Variants in FASTKD1 observed in about 807,000 individuals in gnomAD.
The protein encoded by FASTKD1 is FAST kinase domain-containing protein 1, mitochondrial.
Under a neutral mutation model 90.9 loss-of-function variants are expected in FASTKD1, and 94 were observed. The observed-to-expected ratio is 1.03, with a 90% CI of 0.88 to 1.23. The LOEUF (loss-of-function observed/expected upper bound fraction) is 1.23, where lower values mean the gene tolerates loss of function less well. FASTKD1 is among the 50% of genes most tolerant of loss of function. The pLI, the probability that FASTKD1 is intolerant of heterozygous loss-of-function variation, is 0.00. For synonymous variants in FASTKD1, 319 were observed against 345.8 expected (o/e 0.92, Z 0.86); for missense variants, 945 against 993.5 (o/e 0.95, Z 0.66).
chr2:169,573,619 G>C (rs1185857464), intron 1 of FASTKD1, 50 bp downstream of exon 1: 1 of 152,188 alleles, frequency 6.6e-6, no homozygotes. Context: ...GCCCGAAAAC[G>C]TGCTGGGTGG....
intron 9 of FASTKD1, among the ~76,000 whole-genome samples, chr2:169,542,305 G>A (rs1381279893): frequency 4.6e-5 from 7 of 152,146 alleles, no homozygotes; most frequent in East Asian, 1.9e-4. Flanking sequence ...GAAAAGGAAC[G>A]GTTACTGAGC....
intron 4 of FASTKD1, among the ~76,000 whole-genome samples, chr2:169,562,458 C>T (rs1299575574): frequency 6.6e-6 from 1 of 152,078 alleles, no homozygotes; most frequent in African/African-American, 2.4e-5. Flanking sequence ...GTCTCGAACT[C>T]CTGACATCAA....
chr2:169,528,674 C>T lies in FASTKD1; in HGVS notation c.*1151G>A, dbSNP rs536973095. Among the ~76,000 whole-genome samples the T allele has an allele frequency of 6.3e-4, 96 of 152,254 alleles. No homozygotes were observed. Among genetic ancestry groups the T allele is most frequent in the Admixed American group, 2.7e-3 (41 of 15,298 alleles). ...TATCTCCTCCCATTTTCTCTTGAAC[C>T]AGTCAGGCTTTCACATGCACCACTT... is the stretch of plus-strand genomic sequence containing the variant. On this transcript the variant is annotated 3_prime_UTR_variant, in exon 15 of 15. Transcript: ENST00000453153.
chr2:169,565,250 T>C (rs1433059806), intron 3 of FASTKD1, among the ~76,000 whole-genome samples: 1 of 26,984 alleles, frequency 3.7e-5, no homozygotes, highest in Non-Finnish European at 6.9e-5. Context: ...CACACCAGGC[T>C]TTTTTTTTTT....
At chr2:169,545,303 C>A (rs868029637) in intron 8 of FASTKD1, among the ~76,000 whole-genome samples, 2 of 152,168 alleles carry the variant, frequency 1.3e-5, no homozygotes, top group South Asian at 4.1e-4. Context: ...CAGCAATTTC[C>A]ATGATAATCA....
chr2:169,572,487 A>T (rs1170592798), intron 1 of FASTKD1, among the ~76,000 whole-genome samples: 2 of 151,830 alleles, frequency 1.3e-5, no homozygotes. Context: ...AATCACCTTC[A>T]AAGTTTCTAA....
chr2:169,557,353 T>A (rs1683368931), intron 5 of FASTKD1, 56 bp from the exon 6 acceptor site: 2 of 929,290 alleles, frequency 2.2e-6, no homozygotes, highest in Non-Finnish European at 3.3e-6. Flanking sequence ...AGCTTGCAAT[T>A]TTTTTTAAAT....
intron 12 of FASTKD1, among the ~76,000 whole-genome samples, chr2:169,534,463 CTT>C (rs1210482307): frequency 1.4e-4 from 15 of 110,668 alleles, no homozygotes; most frequent in Admixed American, 9.7e-4. Context: ...TTTTTTTTTT[CTT>C]TTTTTTTTTT....
chr2:169,535,227 G>A (rs1323979432), intron 12 of FASTKD1, among the ~76,000 whole-genome samples: 3 of 151,970 alleles, frequency 2.0e-5, no homozygotes, highest in Admixed American at 2.0e-4. Context: ...CTGTCACTGA[G>A]GCTAGAGTGC....
In FASTKD1 at chr2:169,546,563, A is replaced by C. The variant is rs780336948; in HGVS notation, c.1356T>G (p.Ser452Arg). ...ATCTTAAAACAGATGTGGCAAAACT[A>C]CTCAGGTTATTTAGGTCACACTGTG... is the stretch of plus-strand genomic sequence containing the variant. ...VLPQCDLNNL[S>R]SFATSVLRWI... The change falls in exon 8 of 15, where the codon AGT (serine) becomes AGG (arginine). Residue 452 changes from serine (S) to arginine (R), a missense_variant. Transcript: ENST00000453153. 23 of 1,613,992 alleles carry C rather than the reference A, an allele frequency of 1.4e-5. No homozygotes were observed. Among genetic ancestry groups the C allele is most frequent in the Non-Finnish European group, 1.9e-5 (22 of 1,180,024 alleles).
chr2:169,558,001 C>T (rs760057159), intron 5 of FASTKD1, among the ~76,000 whole-genome samples: 1 of 152,204 alleles, frequency 6.6e-6, no homozygotes, highest in Non-Finnish European at 1.5e-5. Flanking sequence ...TCTCCACAAA[C>T]TTTTCCCAAC....
rs553061656 is a variant in FASTKD1, at chr2:169,538,451, C to T, written c.1946-310G>A. Among the ~76,000 whole-genome samples the T allele has an allele frequency of 4.6e-5, 7 of 151,868 alleles. No individual in the cohort carries two copies. The East Asian group carries it at 9.7e-4, about 21-fold the overall frequency. ...CAACACTTTGGGAGGCTGAGGTGGG[C>T]GGATCACCTGAGGTCGGGAGTTCAA... On this transcript the variant is annotated intron_variant, in intron 10 of 14. Coordinates refer to ENST00000453153, the MANE Select transcript of FASTKD1 (RefSeq NM_024622.6).
At chr2:169,547,873 AG>A (rs1685274549) in intron 7 of FASTKD1, among the ~76,000 whole-genome samples, 1 of 123,412 alleles carries the variant, frequency 8.1e-6, no homozygotes. Flanking sequence ...CGACAGAGGA[AG>A]ACTCCATCTC....
At position 169,560,658 on chromosome 2, in the gene FASTKD1, T is replaced by A; in HGVS notation, c.700A>T (p.Ile234Leu). 1 of 1,613,374 alleles carries A rather than the reference T, an allele frequency of 6.2e-7. No homozygotes were observed. Among genetic ancestry groups the A allele is most frequent in the South Asian group, 1.1e-5 (1 of 90,798 alleles). ...DSSEVNVAKS[I>L]AKFLRNVRYR... is the part of the protein sequence containing the mutation. ...CTAACATTTCGAAGAAACTTTGCTA[T>A]GCTTTTTGCAACGTTGACCTCAGAA... The change falls in exon 5 of 15, where the codon ATA becomes TTA. Residue 234 changes from isoleucine (I) to leucine (L), a missense_variant. Coordinates refer to ENST00000453153, the MANE Select transcript of FASTKD1 (RefSeq NM_024622.6).
At chr2:169,560,220 A>C in intron 5 of FASTKD1, 167 bp downstream of exon 5, 1 of 434,932 alleles carries the variant, frequency 2.3e-6, no homozygotes, top group Non-Finnish European at 4.0e-6. Flanking sequence ...TGAGATGTAA[A>C]TTAGAATAAT....
At chr2:169,560,197 CAGACTAAG>C in intron 5 of FASTKD1, 182 bp downstream of exon 5, 1 of 372,264 alleles carries the variant, frequency 2.7e-6, no homozygotes, top group Non-Finnish European at 4.8e-6. Flanking sequence ...AACACAGCAA[CAGACTAAG>C]AGTTTGAGAT....
rs1260789055 is a variant in FASTKD1, at chr2:169,569,173, A to AGG, written c.446+9_446+10dup. Reference sequence around the variant, plus strand: ...TAACCCTGATCTTCAAGATGAACCCAGGGTACTTGCCTTTCTAGCCTTCTC... The same window carrying AGG: ...TAACCCTGATCTTCAAGATGAACCCAGGGGGTACTTGCCTTTCTAGCCTTCTC... On this transcript the variant is annotated intron_variant, in intron 3 of 14. Coordinates refer to ENST00000453153, the MANE Select transcript of FASTKD1 (RefSeq NM_024622.6). 1 of 1,612,744 alleles carries AGG rather than the reference A, an allele frequency of 6.2e-7. No individual in the cohort carries two copies. The highest frequency in any genetic ancestry group is 1.3e-5 in the African/African-American group (1 of 75,024).
chr2:169,548,820 C>G (rs183236090), intron 7 of FASTKD1, among the ~76,000 whole-genome samples: 153 of 150,650 alleles, frequency 1.0e-3, no homozygotes, highest in African/African-American at 3.6e-3. Context: ...TGAGGCTGGG[C>G]GCGGTAGCTC....
At chr2:169,561,613 A>G (rs1683603098) in intron 4 of FASTKD1, among the ~76,000 whole-genome samples, 1 of 151,098 alleles carries the variant, frequency 6.6e-6, no homozygotes, top group African/African-American at 2.4e-5. Flanking sequence ...GTATTCCCAG[A>G]TGGAAAGAAT....
Sources: allele counts gnomAD v4.1 joint callset (sites outside exome capture counted in the v4.1 genomes callset), GRCh38; gene constraint gnomAD v4.1.1; transcripts MANE v1.5; gene names NCBI Gene and HGNC (gene_info 2026-07-23, HGNC 2026-07-21).